NBPF8: variants seen among roughly 807,000 people sequenced by gnomAD.
NBPF8 encodes the protein NBPF member 8.
At chr1:120,435,702 A>G (rs1208025931), upstream of NBPF8, among the ~76,000 whole-genome samples, 1 of 151,824 alleles carries the variant, frequency 6.6e-6, no homozygotes, top group Non-Finnish European at 1.5e-5. Context: ...AAGAAAAAAA[A>G]AAAGAAAAGA....
At position 120,466,314 on chromosome 1, in the gene NBPF8, C is replaced by G. The variant is rs1319985043; in HGVS notation, n.3905C>G. ...TGAAACTATAGTTCCATTTGGAAGCCCAGACATAGGATGGGTCAGTGGGCA... is the reference window on the plus strand; with the variant it reads ...TGAAACTATAGTTCCATTTGGAAGCGCAGACATAGGATGGGTCAGTGGGCA... On this transcript the variant is annotated non_coding_transcript_exon_variant, in exon 25 of 25. Transcript: ENST00000583271. 8 of 1,540,152 alleles carry G rather than the reference C, an allele frequency of 5.2e-6. No individual in the cohort carries two copies. In the African/African-American group the frequency reaches 1.1e-4, roughly 21 times the overall value.
Position 120,464,397 on chromosome 1 carries a change from G to C in NBPF8, n.3308G>C, listed in dbSNP as rs1254417687. ...CCAGGCTCAGCAGGGAGCTGCTGGA[G>C]GTAGTAGAGCCTGAAGTCTTGCAGG... is the stretch of plus-strand genomic sequence containing the variant. On this transcript the variant is annotated non_coding_transcript_exon_variant, in exon 23 of 25. Transcript: ENST00000583271. 4.0e-6 allele frequency: 3 copies of C among 757,662 alleles called. No individual in the cohort carries two copies. The East Asian group carries it at 7.4e-5, about 19-fold the overall frequency. 46.9% of individuals were successfully genotyped at this position (757,662 alleles called of 1,614,324 possible).
chr1:120,465,974 C>G lies in NBPF8; in HGVS notation n.3569-4C>G, dbSNP rs1288701176. ...TGCTTCTTTAGTTTTGTCTCCTTTTCCAGGCTCAACAGCGTGCTGATGGAA... is the reference window on the plus strand; with the variant it reads ...TGCTTCTTTAGTTTTGTCTCCTTTTGCAGGCTCAACAGCGTGCTGATGGAA... On this transcript the variant is annotated splice_polypyrimidine_tract_variant and splice_region_variant and intron_variant and non_coding_transcript_variant, in intron 24 of 24. Coordinates refer to ENST00000583271, the Ensembl canonical transcript of NBPF8. 6.9e-5 allele frequency: 112 copies of G among 1,611,702 alleles called. No homozygotes were observed. Among genetic ancestry groups the G allele is most frequent in the Non-Finnish European group, 8.7e-5 (103 of 1,179,726 alleles).
chr1:120,425,131 G>A (rs1392497054), intron 1 of NBPF8, among the ~76,000 whole-genome samples: 10 of 151,884 alleles, frequency 6.6e-5, no homozygotes, highest in African/African-American at 2.4e-4. Flanking sequence ...CAGCCTCGTG[G>A]GAAGGGAAAG....
chr1:120,434,226 A>T (rs2101597247), upstream of NBPF8, among the ~76,000 whole-genome samples: 1 of 147,780 alleles, frequency 6.8e-6, no homozygotes, highest in East Asian at 1.9e-4. Context: ...AAAAAGAAAA[A>T]AATATATATA....
upstream of NBPF8, among the ~76,000 whole-genome samples, chr1:120,434,340 A>ATGTG (rs1553247478): frequency 1.4e-3 from 206 of 146,906 alleles, 2 homozygotes; most frequent in Middle Eastern, 0.014. Context: ...ATATATATTC[A>ATGTG]TGTGTGTGTA....
chr1:120,420,284 C>T (rs1329020001), intron 1 of NBPF8, among the ~76,000 whole-genome samples, 166 bp downstream of exon 2: 3 of 151,988 alleles, frequency 2.0e-5, no homozygotes, highest in Admixed American at 6.5e-5. Flanking sequence ...CAAATATTCA[C>T]AGCGTGTGCC....
At chr1:120,415,203 C>T (rs1553244896), upstream of NBPF8, among the ~76,000 whole-genome samples, 5 of 152,282 alleles carry the variant, frequency 3.3e-5, no homozygotes, top group East Asian at 1.9e-4. Context: ...AGGAGCGGGC[C>T]GAGGCGCGGC....
At chr1:120,422,178 A>G (rs1660595673) in intron 1 of NBPF8, among the ~76,000 whole-genome samples, 1 of 152,182 alleles carries the variant, frequency 6.6e-6, no homozygotes, top group Non-Finnish European at 1.5e-5. Flanking sequence ...AGTTTCCCCT[A>G]TTAGTATGTT....
chr1:120,433,013 A>AC (rs1660928022), upstream of NBPF8: 1 of 152,240 alleles, frequency 6.6e-6, no homozygotes, highest in African/African-American at 2.4e-5. Context: ...TACATGCTTA[A>AC]CAATACATGC....
chr1:120,465,947 G>C, intron 24 of NBPF8, 31 bp from the exon 23 acceptor site: 1 of 1,598,754 alleles, frequency 6.3e-7, no homozygotes, highest in South Asian at 1.1e-5. Context: ...ATTTTCCCTG[G>C]CTGCTTCTTT....
At chr1:120,415,755 G>A (rs12033803), upstream of NBPF8, among the ~76,000 whole-genome samples, 111 of 152,310 alleles carry the variant, frequency 7.3e-4, no homozygotes, top group Non-Finnish European at 5.4e-4. Flanking sequence ...CATGAGGCGC[G>A]TTTGTAGCCA....
chr1:120,449,837 G>A (rs1365386804), intron 11 of NBPF8, among the ~76,000 whole-genome samples: 1 of 152,176 alleles, frequency 6.6e-6, no homozygotes, highest in Non-Finnish European at 1.5e-5. Flanking sequence ...GTGACTCTGA[G>A]GGAAACTTGG....
chr1:120,419,431 C>G (rs1660513237), upstream of NBPF8, among the ~76,000 whole-genome samples: 2 of 152,128 alleles, frequency 1.3e-5, no homozygotes, highest in East Asian at 1.9e-4. Context: ...TAAGATCTGC[C>G]TCAAGTATTA....
At chr1:120,451,543 C>G in intron 12 of NBPF8, among the ~76,000 whole-genome samples, 1 of 133,452 alleles carries the variant, frequency 7.5e-6, no homozygotes, top group East Asian at 2.1e-4. Context: ...CAAAATTAAC[C>G]AAAGGAGTGT....
At chr1:120,464,428 C>G (rs1395218838) in exon 23 of NBPF8, 2 of 764,774 alleles carry the variant, frequency 2.6e-6, no homozygotes, top group Non-Finnish European at 4.8e-6. Flanking sequence ...GCAGGACTCA[C>G]TGGATAGATG....
intron 18 of NBPF8, among the ~76,000 whole-genome samples, chr1:120,460,952 C>T (rs1661568493): frequency 1.3e-5 from 2 of 151,468 alleles, no homozygotes; most frequent in African/African-American, 4.9e-5. Context: ...CCTGAGAGCA[C>T]AAATACAGAG....
intron 1 of NBPF8, among the ~76,000 whole-genome samples, chr1:120,421,427 C>T (rs1556605959): frequency 6.8e-6 from 1 of 147,964 alleles, no homozygotes; most frequent in East Asian, 2.0e-4. Context: ...TTATTCTTTC[C>T]CTCCCTCCTT....
intron 23 of NBPF8, among the ~76,000 whole-genome samples, chr1:120,464,780 C>T (rs1661698862): frequency 2.7e-5 from 4 of 147,298 alleles, no homozygotes; most frequent in African/African-American, 1.0e-4. Context: ...GCGCCCTGAT[C>T]CTACTCTCAT....
Sources: gnomAD v4.1 joint callset for allele counts (sites outside exome capture counted in the v4.1 genomes callset) on GRCh38, gnomAD v4.1.1 for gene constraint, MANE v1.5 for transcripts, NCBI Gene and HGNC (gene_info 2026-07-23, HGNC 2026-07-21) for gene names.